The following PLCH2 variants were observed in gnomAD, a reference collection of about 807,000 sequenced individuals.
PLCH2 encodes the protein phospholipase C eta 2, also known as 1-phosphatidylinositol 4,5-bisphosphate phosphodiesterase eta-2.
Under a neutral mutation model 134.7 loss-of-function variants are expected in PLCH2, and 98 were observed. The observed-to-expected ratio is 0.73, with a 90% CI of 0.62 to 0.86. The LOEUF (loss-of-function observed/expected upper bound fraction) is 0.86, where lower values mean the gene tolerates loss of function less well. Among genes scored for constraint, PLCH2 ranks in the 40% least tolerant of loss-of-function variants. The pLI, the probability that PLCH2 is intolerant of heterozygous loss-of-function variation, is 0.00. For synonymous variants in PLCH2, 974 were observed against 827.5 expected (o/e 1.18, Z -3.04); for missense variants, 1,994 against 1,986.6 (o/e 1.00, Z -0.07).
upstream of PLCH2, among the ~76,000 whole-genome samples, chr1:2,471,366 T>G (rs1464549536): frequency 6.6e-6 from 1 of 152,162 alleles, no homozygotes; most frequent in East Asian, 1.9e-4. Context: ...AGGGCTGCAC[T>G]GGGGGAAGGT....
intron 2 of PLCH2, among the ~76,000 whole-genome samples, chr1:2,446,403 C>T (rs1034257904): frequency 2.6e-5 from 4 of 152,198 alleles, no homozygotes; most frequent in Non-Finnish European, 4.4e-5. Flanking sequence ...TCTCCCGGGG[C>T]TGGGGGTGGG....
At position 2,476,648 on chromosome 1, in the gene PLCH2, G is replaced by T. The variant is rs373410244; in HGVS notation, c.60G>T (p.Ala20=). ...SRTKGTVAWL[A]EVLLWVGGSV... ...CCAAGGGAACGGTGGCCTGGCTGGC[G>T]GAGGTACTCCTCTGGGTTGGAGGGA... is the stretch of plus-strand genomic sequence containing the variant. Residue 20 remains alanine, a synonymous_variant, in exon 1 of 22, where the codon GCG becomes GCT. Transcript: ENST00000378486. 6.2e-7 allele frequency: 1 copy of T among 1,608,224 alleles called. No individual in the cohort carries two copies. Among genetic ancestry groups the T allele is most frequent in the Non-Finnish European group, 8.5e-7 (1 of 1,178,262 alleles).
chr1:2,480,389 C>A, intron 4 of PLCH2, 77 bp downstream of exon 4: 1 of 1,499,428 alleles, frequency 6.7e-7, no homozygotes, highest in Non-Finnish European at 9.1e-7. Flanking sequence ...TGGGAGCCTG[C>A]CAGCCCTGAC....
At chr1:2,473,484 C>T (rs191675653), upstream of PLCH2, among the ~76,000 whole-genome samples, 53 of 152,326 alleles carry the variant, frequency 3.5e-4, no homozygotes, top group South Asian at 6.2e-4. Flanking sequence ...GTGTGGGAGG[C>T]TTCTCCAGGC....
intron 15 of PLCH2, 50 bp from the exon 16 acceptor site, chr1:2,497,452 C>A: frequency 7.4e-7 from 1 of 1,345,122 alleles, no homozygotes; most frequent in Non-Finnish European, 1.0e-6. Flanking sequence ...GCGGGGCACA[C>A]ACCTGGAAGG....
chr1:2,438,698 C>T (rs2100517502), intron 2 of PLCH2, among the ~76,000 whole-genome samples: 2 of 152,314 alleles, frequency 1.3e-5, no homozygotes, highest in Middle Eastern at 6.8e-3. Context: ...AACACCTGCT[C>T]CCCACAGCCT....
Position 2,504,104 on chromosome 1 carries a change from A to G in PLCH2, c.3142A>G (p.Thr1048Ala), listed in dbSNP as rs1308134452. Residue 1048 changes from threonine (T) to alanine (A), a missense_variant, in exon 22 of 22, where the codon ACT becomes GCT. This residue lies in a region of PLCH2 where 900 missense variants were observed against 752.3 expected (regional missense o/e 1.20). Coordinates refer to ENST00000378486, the MANE Select transcript of PLCH2 (RefSeq NM_014638.4). Reference sequence around the variant, plus strand: ...CAATGTGGCAAGCCCCCTAGAGGACACTGAGGAGCCCCGAGACAGCAGGCC... The same window carrying G: ...CAATGTGGCAAGCCCCCTAGAGGACGCTGAGGAGCCCCGAGACAGCAGGCC... The part of the protein sequence containing the change: ...GANVASPLED[T>A]EEPRDSRPRP... 3 of 1,529,494 alleles carry G rather than the reference A, an allele frequency of 2.0e-6. 1 individual carries two copies. The highest frequency in any genetic ancestry group is 2.4e-5 in the South Asian group (2 of 81,958). The allele number at this position is 1,529,494 out of a possible 1,614,324, so 94.7% of individuals were successfully genotyped here. A position where few individuals can be genotyped will look rare whatever the true frequency, so the allele number is the denominator to read the frequency against.
chr1:2,504,685 C>T lies in PLCH2; in HGVS notation c.3723C>T (p.Ser1241=). The change falls in exon 22 of 22, where the codon TCC becomes TCT. Residue 1241 remains serine (S), a synonymous_variant. Transcript: ENST00000378486. ...LPFRPPWGCL[S]LVGVQDCPVA... is the part of the protein sequence containing the mutation. ...TCCGGCCTCCCTGGGGCTGCCTTTCCCTGGTGGGCGTGCAGGACTGCCCCG... is the reference window on the plus strand; with the variant it reads ...TCCGGCCTCCCTGGGGCTGCCTTTCTCTGGTGGGCGTGCAGGACTGCCCCG... 6 of 1,612,612 alleles carry T rather than the reference C, an allele frequency of 3.7e-6. No individual in the cohort carries two copies. Among genetic ancestry groups the T allele is most frequent in the Non-Finnish European group, 3.4e-6 (4 of 1,179,810 alleles).
In PLCH2 at chr1:2,487,632, TG is replaced by T; in HGVS notation, c.1150del (p.Val384CysfsTer7). ...CWDGPDGEPI[V>X]HHGYTLTSKI... ...GGGATGGGCCCGACGGGGAGCCCATTGTGCACCATGGCTACACTCTGACTTC... is the reference window on the plus strand; with the variant it reads ...GGGATGGGCCCGACGGGGAGCCCATTTGCACCATGGCTACACTCTGACTTC... On this transcript the variant is annotated frameshift_variant, in exon 8 of 22. Transcript: ENST00000378486. LOFTEE classifies it high-confidence loss of function. The T allele has an allele frequency of 1.9e-6, 3 of 1,613,346 alleles. No individual in the cohort carries two copies. Among genetic ancestry groups the T allele is most frequent in the Non-Finnish European group, 2.5e-6 (3 of 1,179,774 alleles).
intron 11 of PLCH2, chr1:2,494,560 A>G: frequency 1.1e-5 from 6 of 525,636 alleles, no homozygotes; most frequent in Non-Finnish European, 1.7e-5. Flanking sequence ...TAACGAGTTT[A>G]AAACAACACA....
chr1:2,481,801 G>A (rs1431029230), intron 4 of PLCH2, among the ~76,000 whole-genome samples: 1 of 152,236 alleles, frequency 6.6e-6, no homozygotes, highest in East Asian at 1.9e-4. Flanking sequence ...CAGAGCGCTG[G>A]GCCTCCCCGC....
intron 2 of PLCH2, among the ~76,000 whole-genome samples, chr1:2,443,631 C>A (rs1007786122): frequency 6.3e-4 from 94 of 150,196 alleles, no homozygotes; most frequent in African/African-American, 2.2e-3. Context: ...GTCGCGCTCG[C>A]CCGGTTGCGC....
chr1:2,489,565 A>C (rs1264109177), intron 9 of PLCH2, among the ~76,000 whole-genome samples, 187 bp downstream of exon 9: 2 of 152,166 alleles, frequency 1.3e-5, no homozygotes, highest in Admixed American at 6.5e-5. Context: ...CCCCTCATGC[A>C]CATCCAGGCC....
At chr1:2,427,719 G>C (rs1156317511) in intron 1 of PLCH2, among the ~76,000 whole-genome samples, 2 of 152,160 alleles carry the variant, frequency 1.3e-5, no homozygotes, top group Non-Finnish European at 2.9e-5. Context: ...CGCGATCCAA[G>C]GGACACAGCG....
rs746136924 is a variant in PLCH2, at chr1:2,504,710, G to C, written c.3748G>C (p.Val1250Leu). ...LSLVGVQDCP[V>L]AAKSKSLGDL... ...CCTGGTGGGCGTGCAGGACTGCCCC[G>C]TGGCTGCCAAGTCCAAGAGCCTGGG... Residue 1250 changes from valine to leucine, a missense_variant, in exon 22 of 22, where the codon GTG becomes CTG. Transcript: ENST00000378486. 3 of 1,612,444 alleles carry C rather than the reference G, an allele frequency of 1.9e-6. No individual in the cohort carries two copies. The highest frequency in any genetic ancestry group is 2.5e-6 in the Non-Finnish European group (3 of 1,179,806).
chr1:2,432,336 G>T (rs1349355037), intron 2 of PLCH2, among the ~76,000 whole-genome samples: 1 of 152,338 alleles, frequency 6.6e-6, no homozygotes, highest in East Asian at 1.9e-4. Context: ...TGGGACTGGG[G>T]CAGGTGGACA....
At position 2,479,870 on chromosome 1, in the gene PLCH2, C is replaced by T; in HGVS notation, c.408C>T (p.Val136=). ...HGSHRESLDL[V]STSSEVARTW... ...GCCACCGCGAGTCGCTGGACCTGGT[C>T]TCCACCAGCAGCGAGGTGGCGCGCA... The change falls in exon 3 of 22, where the codon GTC becomes GTT. Residue 136 remains valine (V), a synonymous_variant. Coordinates refer to ENST00000378486, the MANE Select transcript of PLCH2 (RefSeq NM_014638.4). 2 of 1,611,790 alleles carry T rather than the reference C, an allele frequency of 1.2e-6. No individual in the cohort carries two copies. Among genetic ancestry groups the T allele is most frequent in the Non-Finnish European group, 1.7e-6 (2 of 1,179,572 alleles).
At chr1:2,461,648 C>A (rs991557190) in intron 2 of PLCH2, among the ~76,000 whole-genome samples, 1 of 152,198 alleles carries the variant, frequency 6.6e-6, no homozygotes, top group Non-Finnish European at 1.5e-5. Context: ...CACTGGACAC[C>A]CCATCCCCAT....
At chr1:2,456,242 C>T (rs1218130993) in intron 2 of PLCH2, among the ~76,000 whole-genome samples, 3 of 152,164 alleles carry the variant, frequency 2.0e-5, no homozygotes, top group Non-Finnish European at 4.4e-5. Flanking sequence ...GGGCCTTTGT[C>T]GGATTTAGGC....
Sources: allele counts gnomAD v4.1 joint callset (sites outside exome capture counted in the v4.1 genomes callset), GRCh38; gene constraint gnomAD v4.1.1; regional missense constraint gnomAD v4.1.1; transcripts MANE v1.5; gene names NCBI Gene and HGNC (gene_info 2026-07-23, HGNC 2026-07-21).